The following SLX4IP variants were observed in gnomAD, a reference collection of about 807,000 sequenced individuals.
The protein encoded by SLX4IP is SLX4 interacting protein.
In SLX4IP, 34 loss-of-function variants were observed where a neutral mutation model predicts 32.9. That is an observed-to-expected ratio of 1.03 (90% CI 0.79 to 1.38). The LOEUF is 1.38. SLX4IP is among the 40% of genes most tolerant of loss of function. SLX4IP has a pLI of 0.00. For missense variants in SLX4IP, 444 were observed against 479.0 expected, an observed-to-expected ratio of 0.93 and a Z score of 0.68; for synonymous variants, 172 against 171.7, an observed-to-expected ratio of 1.00 and a Z score of -0.01.
intron 4 of SLX4IP, among the ~76,000 whole-genome samples, chr20:10,570,730 T>C (rs1040518403): frequency 6.6e-6 from 1 of 152,138 alleles, no homozygotes; most frequent in Non-Finnish European, 1.5e-5. Flanking sequence ...GTTTTCGCCA[T>C]GTTGGTCAGG....
intron 2 of SLX4IP, among the ~76,000 whole-genome samples, chr20:10,545,180 G>A (rs778393227): frequency 3.9e-5 from 6 of 152,098 alleles, no homozygotes; most frequent in Non-Finnish European, 5.9e-5. Flanking sequence ...CCCTAAGGTC[G>A]TACACACAGA....
chr20:10,552,657 C>T (rs1029159559), intron 2 of SLX4IP, among the ~76,000 whole-genome samples: 1 of 152,086 alleles, frequency 6.6e-6, no homozygotes, highest in Non-Finnish European at 1.5e-5. Context: ...TAAAAAGAGA[C>T]ATTCTACTCA....
intron 6 of SLX4IP, among the ~76,000 whole-genome samples, chr20:10,612,575 C>CGCTCCT (rs1193566589): frequency 2.0e-5 from 3 of 152,142 alleles, no homozygotes; most frequent in Non-Finnish European, 4.4e-5. Flanking sequence ...GATGCAGTTT[C>CGCTCCT]GCTCCTGTTG....
chr20:10,515,976 C>T (rs540456137), intron 2 of SLX4IP, among the ~76,000 whole-genome samples: 1 of 152,238 alleles, frequency 6.6e-6, no homozygotes, highest in Admixed American at 6.5e-5. Flanking sequence ...GTAGCCTCTG[C>T]CTCCAGGGCT....
intron 2 of SLX4IP, among the ~76,000 whole-genome samples, chr20:10,537,844 G>C (rs2066062357): frequency 6.6e-6 from 1 of 152,198 alleles, no homozygotes; most frequent in African/African-American, 2.4e-5. Context: ...AAAGTAATGA[G>C]ATAGCCTATT....
chr20:10,505,424 C>T lies in SLX4IP; in HGVS notation c.27+47193C>T, dbSNP rs552671850. Among the ~76,000 whole-genome samples, 23 of 152,264 alleles carry T rather than the reference C, an allele frequency of 1.5e-4. No homozygotes were observed. The South Asian group carries it at 3.9e-3, about 26-fold the overall frequency. ...ATTGTAGACCAAAGCCAGTGCTACTCGGAAAATGGAAAAGACATAGGAGAC... is the reference window on the plus strand; with the variant it reads ...ATTGTAGACCAAAGCCAGTGCTACTTGGAAAATGGAAAAGACATAGGAGAC... On this transcript the variant is annotated intron_variant, in intron 2 of 7. Transcript: ENST00000334534.
At chr20:10,571,341 T>C (rs1469648104) in intron 4 of SLX4IP, among the ~76,000 whole-genome samples, 3 of 152,134 alleles carry the variant, frequency 2.0e-5, no homozygotes, top group Non-Finnish European at 4.4e-5. Context: ...CCCCAGGGAC[T>C]AGGAGTCATT....
intron 2 of SLX4IP, among the ~76,000 whole-genome samples, chr20:10,528,443 T>C (rs2065957492): frequency 6.6e-6 from 1 of 152,202 alleles, no homozygotes; most frequent in Non-Finnish European, 1.5e-5. Flanking sequence ...CTTTCCTTTA[T>C]CTGATACTCA....
At chr20:10,502,848 A>G (rs755871508) in intron 2 of SLX4IP, among the ~76,000 whole-genome samples, 4 of 151,664 alleles carry the variant, frequency 2.6e-5, no homozygotes, top group Non-Finnish European at 5.9e-5. Context: ...TGGTTTATTC[A>G]CTGCTATCCT....
intron 2 of SLX4IP, among the ~76,000 whole-genome samples, chr20:10,464,279 C>T (rs1964108110): frequency 6.6e-6 from 1 of 152,106 alleles, no homozygotes; most frequent in South Asian, 2.1e-4. Context: ...GCCTCAGCCT[C>T]CTGAGTAGCT....
At position 10,626,009 on chromosome 20, in the gene SLX4IP, CTTTTTTTTTTTT is replaced by C. The variant is rs148432517; in HGVS notation, c.*2642_*2653del. ...TGGGAATGGTATGTGTTTTGACATT[CTTTTTTTTTTTT>C]TTTTTTTTTTTGAGACAGAGTCTCG... On this transcript the variant is annotated 3_prime_UTR_variant, in exon 8 of 8. Transcript: ENST00000334534. The C allele has an allele frequency of 3.7e-5, 3 of 81,218 alleles. No individual in the cohort carries two copies. Among genetic ancestry groups the C allele is most frequent in the Non-Finnish European group, 7.2e-5 (3 of 41,816 alleles). 5.0% of individuals were successfully genotyped at this position (81,218 alleles called of 1,614,324 possible). A position where few individuals can be genotyped will look rare whatever the true frequency, so the allele number is the denominator to read the frequency against.
Position 10,458,213 on chromosome 20 carries a change from T to G in SLX4IP, c.9T>G (p.Ser3=). The part of the protein sequence containing the change: MA[S]KKFAVKCGNF... The stretch of plus-strand genomic sequence containing the variant: ...TGTGGAATCAATAAGCCATGGCATC[T>G]AAGAAATTTGCTGTTAAAGTAAGTA... Residue 3 remains serine, a synonymous_variant, in exon 2 of 8, where the codon TCT becomes TCG. Transcript: ENST00000334534. 2 of 1,590,712 alleles carry G rather than the reference T, an allele frequency of 1.3e-6. No homozygotes were observed. The highest frequency in any genetic ancestry group is 1.7e-6 in the Non-Finnish European group (2 of 1,172,480).
intron 1 of SLX4IP, among the ~76,000 whole-genome samples, chr20:10,456,164 T>G (rs1481799755): frequency 6.6e-6 from 1 of 152,190 alleles, no homozygotes; most frequent in Non-Finnish European, 1.5e-5. Flanking sequence ...ATTTTGTGTT[T>G]AGATTTGGAT....
chr20:10,528,086 A>G (rs2122459611), intron 2 of SLX4IP, among the ~76,000 whole-genome samples: 1 of 152,328 alleles, frequency 6.6e-6, no homozygotes, highest in Non-Finnish European at 1.5e-5. Flanking sequence ...GTAATTGATC[A>G]TTATGGCTGT....
intron 2 of SLX4IP, among the ~76,000 whole-genome samples, chr20:10,470,486 C>CTA (rs1232699102): frequency 6.6e-6 from 1 of 152,190 alleles, no homozygotes; most frequent in Admixed American, 6.5e-5. Context: ...AGCTAGGCCT[C>CTA]TATATGTGTC....
At chr20:10,455,347 G>C in intron 1 of SLX4IP, among the ~76,000 whole-genome samples, 1 of 152,032 alleles carries the variant, frequency 6.6e-6, no homozygotes, top group East Asian at 1.9e-4. Context: ...GATTTTTATA[G>C]TTTTAGCTCT....
At chr20:10,456,137 A>G (rs1227955176) in intron 1 of SLX4IP, among the ~76,000 whole-genome samples, 3 of 152,208 alleles carry the variant, frequency 2.0e-5, no homozygotes, top group African/African-American at 7.2e-5. Flanking sequence ...TATAAGGTAT[A>G]TATGAAACAT....
intron 6 of SLX4IP, among the ~76,000 whole-genome samples, chr20:10,605,446 G>A (rs1456725540): frequency 1.3e-5 from 2 of 152,094 alleles, no homozygotes; most frequent in African/African-American, 2.4e-5. Flanking sequence ...TTCAAATAGG[G>A]CCTCCATTTT....
chr20:10,461,909 C>T (rs1450615673), intron 2 of SLX4IP, among the ~76,000 whole-genome samples: 1 of 152,138 alleles, frequency 6.6e-6, no homozygotes, highest in African/African-American at 2.4e-5. Context: ...TCCTGAGTAG[C>T]TGGGACCACA....
Sources: gnomAD v4.1 joint callset for allele counts (sites outside exome capture counted in the v4.1 genomes callset) on GRCh38, gnomAD v4.1.1 for gene constraint, MANE v1.5 for transcripts, NCBI Gene and HGNC (gene_info 2026-07-23, HGNC 2026-07-21) for gene names.